Variants in CELF2 observed in about 807,000 individuals in gnomAD.
CELF2 encodes CUG triplet repeat RNA-binding protein 2.
CELF2 carries 8 observed loss-of-function variants against 62.6 expected under a neutral mutation model. That is an observed-to-expected ratio of 0.13 (90% CI 0.07 to 0.23). CELF2 has a LOEUF of 0.23. Among genes scored for constraint, CELF2 ranks in the 10% least tolerant of loss-of-function variants. The pLI is 1.00. For missense variants in CELF2, 333 were observed against 671.0 expected (o/e 0.50, Z 5.56); for synonymous variants, 258 against 250.0 (o/e 1.03, Z -0.30).
chr10:11,180,880 T>C (rs1348945139), intron 2 of CELF2, among the ~76,000 whole-genome samples: 1 of 152,174 alleles, frequency 6.6e-6, no homozygotes, highest in Non-Finnish European at 1.5e-5. Context: ...TATTTATTTA[T>C]TTATTTAAAG....
chr10:11,047,832 T>A (rs912272171), intron 1 of CELF2, among the ~76,000 whole-genome samples: 16 of 152,196 alleles, frequency 1.1e-4, no homozygotes, highest in Admixed American at 3.3e-4. Context: ...AGACAAAGTT[T>A]TATTTGTCTA....
intron 1 of CELF2, among the ~76,000 whole-genome samples, chr10:11,029,648 C>CA (rs2059797636): frequency 6.6e-6 from 1 of 152,176 alleles, no homozygotes; most frequent in African/African-American, 2.4e-5. Context: ...GGGCCTTTGG[C>CA]AATATCAAAG....
At chr10:10,825,062 T>A (rs903319889) in intron 1 of CELF2, among the ~76,000 whole-genome samples, 19 of 152,214 alleles carry the variant, frequency 1.2e-4, no homozygotes, top group Non-Finnish European at 5.9e-5. Flanking sequence ...ACTTGGAAAC[T>A]CATTGGGGCT....
At chr10:10,985,692 A>G (rs1003672779) in intron 2 of CELF2, among the ~76,000 whole-genome samples, 2 of 152,258 alleles carry the variant, frequency 1.3e-5, no homozygotes, top group African/African-American at 4.8e-5. Context: ...TGCCGTGGTC[A>G]TAATATAAAA....
At chr10:10,685,731 G>C in the CELF2 span, among the ~76,000 whole-genome samples, 2 of 152,190 alleles carry the variant, frequency 1.3e-5, no homozygotes, top group Admixed American at 1.3e-4. Context: ...CTTCTTTGCT[G>C]TGGGTTGAGA....
In CELF2 at chr10:11,282,919, G is replaced by A. The variant is rs72775863; in HGVS notation, c.842-5499G>A. On this transcript the variant is annotated intron_variant, in intron 8 of 12. Transcript: ENST00000633077. ...AAACGTGAGGCCCTGCCTCACCTCT[G>A]GTGTACAAGCACTTAACTTCTTTTC... is the stretch of plus-strand genomic sequence containing the variant. 8.0e-3 allele frequency among the ~76,000 whole-genome samples: 1,214 copies of A among 152,334 alleles called. 11 individuals are homozygous for A. The highest frequency in any genetic ancestry group is 0.012 in the Non-Finnish European group (823 of 68,038).
the CELF2 span, among the ~76,000 whole-genome samples, chr10:10,527,169 C>A: frequency 6.6e-6 from 1 of 152,218 alleles, no homozygotes; most frequent in Non-Finnish European, 1.5e-5. Flanking sequence ...TGGCTCTGTG[C>A]AGTGGCTCAC....
At chr10:10,813,118 C>G (rs2056097563) in intron 1 of CELF2, among the ~76,000 whole-genome samples, 1 of 152,190 alleles carries the variant, frequency 6.6e-6, no homozygotes, top group Non-Finnish European at 1.5e-5. Flanking sequence ...CATTTTCTTT[C>G]AAGGCTCTTT....
At chr10:10,968,708 G>T (rs2050419501) in intron 2 of CELF2, among the ~76,000 whole-genome samples, 1 of 150,682 alleles carries the variant, frequency 6.6e-6, no homozygotes, top group Admixed American at 6.7e-5. Context: ...TATATTAATG[G>T]ATTTTACTAA....
At position 11,117,201 on chromosome 10, in the gene CELF2, T is replaced by C. The variant is rs528299963; in HGVS notation, c.75-48285T>C. Among the ~76,000 whole-genome samples, 1 of 152,352 alleles carries C rather than the reference T, an allele frequency of 6.6e-6. No individual in the cohort carries two copies. Among genetic ancestry groups the C allele is most frequent in the East Asian group, 1.9e-4 (1 of 5,194 alleles). The stretch of plus-strand genomic sequence containing the variant: ...ATCATCCCGCTCTACTCACATCTTT[T>C]AGGCTCATTAAAGGATTTAGTTGAA... On this transcript the variant is annotated intron_variant, in intron 1 of 12. Transcript: ENST00000633077. This position sits in a 1 kb window ranked among gnomAD's most constrained non-coding sequence, Gnocchi z 4.1.
chr10:10,555,692 A>G, the CELF2 span, among the ~76,000 whole-genome samples: 4 of 152,184 alleles, frequency 2.6e-5, no homozygotes, highest in African/African-American at 9.7e-5. Context: ...GTTGAAATCT[A>G]CAGCCCCTTC....
the CELF2 span, among the ~76,000 whole-genome samples, chr10:10,587,641 C>T: frequency 6.6e-6 from 1 of 152,120 alleles, no homozygotes; most frequent in Non-Finnish European, 1.5e-5. Context: ...TTGTAGAGAT[C>T]TATCTGTCCT....
chr10:10,627,305 G>C, the CELF2 span, among the ~76,000 whole-genome samples: 29 of 152,268 alleles, frequency 1.9e-4, no homozygotes, highest in African/African-American at 6.0e-4. Flanking sequence ...GGAATGATTA[G>C]AATTAAGGTG....
At chr10:10,738,374 G>A in the CELF2 span, among the ~76,000 whole-genome samples, 2 of 152,098 alleles carry the variant, frequency 1.3e-5, no homozygotes, top group Non-Finnish European at 2.9e-5. Flanking sequence ...AAAGAATATG[G>A]TATGAACAAA....
the CELF2 span, among the ~76,000 whole-genome samples, chr10:10,474,289 G>A: frequency 6.6e-6 from 1 of 151,654 alleles, no homozygotes; most frequent in South Asian, 2.1e-4. Context: ...ACAAAAAGGG[G>A]GAAAAAAGAC....
At chr10:10,698,210 A>G in the CELF2 span, among the ~76,000 whole-genome samples, 1 of 152,216 alleles carries the variant, frequency 6.6e-6, no homozygotes, top group Non-Finnish European at 1.5e-5. Flanking sequence ...TCTATGACAG[A>G]ATATTCAGTT....
the CELF2 span, among the ~76,000 whole-genome samples, chr10:10,740,035 G>A: frequency 6.6e-6 from 1 of 151,704 alleles, no homozygotes; most frequent in Admixed American, 6.6e-5. Flanking sequence ...TAGATACATG[G>A]TTTGCAAATA....
chr10:10,547,945 T>C, the CELF2 span, among the ~76,000 whole-genome samples: 3 of 152,176 alleles, frequency 2.0e-5, no homozygotes, highest in African/African-American at 4.8e-5. Flanking sequence ...CATCATGTCA[T>C]GTGGAGAGGG....
intron 1 of CELF2, among the ~76,000 whole-genome samples, chr10:10,838,174 C>T (rs775033339): frequency 3.3e-5 from 5 of 152,230 alleles, no homozygotes; most frequent in Non-Finnish European, 7.4e-5. Flanking sequence ...GATATTTTGT[C>T]GAATGCTCCT....
Sources: gnomAD v4.1 joint callset for allele counts (sites outside exome capture counted in the v4.1 genomes callset) on GRCh38, gnomAD v4.1.1 for gene constraint, Gnocchi (gnomAD v3.1) non-coding constraint, MANE v1.5 for transcripts, NCBI Gene and HGNC (gene_info 2026-07-23, HGNC 2026-07-21) for gene names.